Variants in ACTR10 observed in about 807,000 individuals in gnomAD.
ACTR10 encodes actin related protein 10.
Under a neutral mutation model 56.2 loss-of-function variants are expected in ACTR10, and 43 were observed. The observed-to-expected ratio is 0.77, with a 90% CI of 0.60 to 0.99. The LOEUF is 0.99. ACTR10 is among the 50% of genes least tolerant of loss of function. ACTR10 has a pLI of 0.00. For synonymous variants in ACTR10, 170 were observed against 176.3 expected (o/e 0.96, Z 0.28); for missense variants, 466 against 507.8 (o/e 0.92, Z 0.79).
intron 10 of ACTR10, among the ~76,000 whole-genome samples, chr14:58,227,596 T>C (rs924017185): frequency 3.3e-5 from 5 of 152,208 alleles, no homozygotes; most frequent in Non-Finnish European, 7.3e-5. Flanking sequence ...AGAGTGACTC[T>C]TTGTAAGCAT....
intron 5 of ACTR10, 189 bp from the exon 6 acceptor site, chr14:58,213,442 T>A (rs1282470139): frequency 2.1e-6 from 1 of 470,548 alleles, no homozygotes; most frequent in Non-Finnish European, 3.8e-6. Context: ...TGTGTATTTT[T>A]ATTCTGTTTT....
chr14:58,215,260 G>GA lies in ACTR10; in HGVS notation c.576dup (p.Gln193ThrfsTer19). 5 of 1,610,996 alleles carry GA rather than the reference G, an allele frequency of 3.1e-6. No homozygotes were observed. Among genetic ancestry groups the GA allele is most frequent in the Non-Finnish European group, 4.2e-6 (5 of 1,178,222 alleles). On this transcript the variant is annotated frameshift_variant, in exon 7 of 13. Coordinates refer to ENST00000254286, the MANE Select transcript of ACTR10 (RefSeq NM_018477.3). LOFTEE classifies it high-confidence loss of function. Reference sequence around the variant, plus strand: ...TACTGTTGACACAAGTGTTGCTAAAGAACAGAGCCTTCCCTCAGTGATGGG... The same window carrying GA: ...TACTGTTGACACAAGTGTTGCTAAAGAAACAGAGCCTTCCCTCAGTGATGGG...
intron 10 of ACTR10, among the ~76,000 whole-genome samples, chr14:58,229,317 C>G (rs542936328): frequency 6.6e-6 from 1 of 152,198 alleles, no homozygotes; most frequent in East Asian, 1.9e-4. Flanking sequence ...ATGAATAAAC[C>G]TAGAGATCTA....
chr14:58,231,004 G>T (rs1020777988), intron 11 of ACTR10: 11 of 264,004 alleles, frequency 4.2e-5, no homozygotes, highest in Admixed American at 7.7e-5. Context: ...TGATCCGCCC[G>T]CCTCGGCCTC....
chr14:58,208,071 C>A, intron 3 of ACTR10, 53 bp downstream of exon 3: 2 of 1,442,784 alleles, frequency 1.4e-6, no homozygotes, highest in Admixed American at 2.8e-5. Flanking sequence ...TTTCCTAATG[C>A]CATAGTGATA....
chr14:58,216,440 A>G (rs1365492853), intron 7 of ACTR10, among the ~76,000 whole-genome samples: 1 of 152,148 alleles, frequency 6.6e-6, no homozygotes, highest in African/African-American at 2.4e-5. Context: ...ATTTTTCACA[A>G]AATAAATATA....
intron 6 of ACTR10, 50 bp from the exon 7 acceptor site, chr14:58,215,155 A>G (rs1889102348): frequency 9.0e-7 from 1 of 1,106,460 alleles, no homozygotes; most frequent in Non-Finnish European, 1.3e-6. Context: ...TCAAATAAGG[A>G]TATCAGTTTC....
intron 10 of ACTR10, among the ~76,000 whole-genome samples, chr14:58,227,273 G>A (rs1348888029): frequency 1.3e-5 from 2 of 151,432 alleles, no homozygotes; most frequent in African/African-American, 4.9e-5. Context: ...GCTCATGCTT[G>A]TAATCCCAGC....
At chr14:58,213,577 C>G (rs1889053688) in intron 5 of ACTR10, 54 bp from the exon 6 acceptor site, 1 of 1,292,682 alleles carries the variant, frequency 7.7e-7, no homozygotes, top group African/African-American at 1.5e-5. Context: ...AGGAAAATAT[C>G]AAGGAAACCA....
At chr14:58,206,940 T>C (rs1888879697) in intron 2 of ACTR10, 1 of 152,114 alleles carries the variant, frequency 6.6e-6, no homozygotes, top group Non-Finnish European at 1.5e-5. Flanking sequence ...AAAGAGAAGA[T>C]ATCAGTGTTT....
At chr14:58,222,126 A>G (rs1201483291) in intron 8 of ACTR10, among the ~76,000 whole-genome samples, 3 of 151,994 alleles carry the variant, frequency 2.0e-5, no homozygotes, top group Non-Finnish European at 2.9e-5. Flanking sequence ...TGTATAATAT[A>G]TATCATATCA....
chr14:58,201,864 C>T (rs1463615295), intron 1 of ACTR10, among the ~76,000 whole-genome samples: 1 of 151,974 alleles, frequency 6.6e-6, no homozygotes, highest in Admixed American at 6.5e-5. Flanking sequence ...ATTTAGCCGG[C>T]GGTAGTGTCG....
intron 2 of ACTR10, among the ~76,000 whole-genome samples, chr14:58,203,507 C>T (rs1319283893): frequency 1.3e-5 from 2 of 152,048 alleles, no homozygotes; most frequent in Admixed American, 6.6e-5. Context: ...TACCCGTTTA[C>T]AATTAATCCT....
Position 58,219,781 on chromosome 14 carries a change from G to A in ACTR10, c.634+52G>A, listed in dbSNP as rs770366266. 4.2e-5 allele frequency: 50 copies of A among 1,184,038 alleles called. 2 individuals are homozygous for A. The South Asian group carries it at 7.7e-4, about 18-fold the overall frequency. 73.3% of individuals were successfully genotyped at this position (1,184,038 alleles called of 1,614,324 possible). ...TTTCATCCTTAAGTGTTACTTTGGA[G>A]GGCATATGCTTCTAAACATTTACAC... On this transcript the variant is annotated intron_variant, in intron 8 of 12. Transcript: ENST00000254286.
chr14:58,208,097 G>C, intron 3 of ACTR10, 79 bp downstream of exon 3: 1 of 1,308,280 alleles, frequency 7.6e-7, no homozygotes, highest in Non-Finnish European at 1.0e-6. Flanking sequence ...TTGTGTTACA[G>C]CTGAGGCCAA....
chr14:58,223,297 C>T lies in ACTR10; in HGVS notation c.635-325C>T, dbSNP rs143126239. Among the ~76,000 whole-genome samples, 1,376 of 152,132 alleles carry T rather than the reference C, an allele frequency of 9.0e-3. 8 individuals are homozygous for T. The highest frequency in any genetic ancestry group is 0.017 in the Middle Eastern group (5 of 292). ...GATTACAGGCACCCGCCACCACGCC[C>T]GGCTAATTTTTTGTATTTTTAGTAG... On this transcript the variant is annotated intron_variant, in intron 8 of 12. Coordinates refer to ENST00000254286, the MANE Select transcript of ACTR10 (RefSeq NM_018477.3).
chr14:58,219,856 A>G lies in ACTR10; in HGVS notation c.634+127A>G, dbSNP rs1202578893. The G allele has an allele frequency of 7.1e-6, 4 of 563,510 alleles. No individual in the cohort carries two copies. The East Asian group carries it at 1.4e-4, about 20-fold the overall frequency. The allele number at this position is 563,510 out of a possible 1,614,324, so 34.9% of individuals were successfully genotyped here. ...AATATCCTAAAAGTATTTAATATAT[A>G]GGTTATGGGATACTCTAAGTACAAA... is the stretch of plus-strand genomic sequence containing the variant. On this transcript the variant is annotated intron_variant, in intron 8 of 12. Transcript: ENST00000254286.
chr14:58,228,251 G>C (rs1461976260), intron 10 of ACTR10, among the ~76,000 whole-genome samples: 1 of 152,184 alleles, frequency 6.6e-6, no homozygotes, highest in African/African-American at 2.4e-5. Context: ...TGTTGGAGTT[G>C]TAGCTACCAC....
At chr14:58,207,446 T>A (rs1594804278) in intron 2 of ACTR10, among the ~76,000 whole-genome samples, 1 of 151,996 alleles carries the variant, frequency 6.6e-6, no homozygotes, top group East Asian at 1.9e-4. Flanking sequence ...TGCCTCAGTC[T>A]CCAGAGTAGC....
Sources: allele counts gnomAD v4.1 joint callset (sites outside exome capture counted in the v4.1 genomes callset), GRCh38; gene constraint gnomAD v4.1.1; transcripts MANE v1.5; gene names NCBI Gene and HGNC (gene_info 2026-07-23, HGNC 2026-07-21).